The following CNTN5 variants were observed in gnomAD, a reference collection of about 807,000 sequenced individuals.
CNTN5 encodes contactin-5.
In CNTN5, 77 loss-of-function variants were observed where a neutral mutation model predicts 129.1. The ratio of observed to expected loss-of-function variants is 0.60; its 90% CI spans 0.50 to 0.72. The LOEUF (loss-of-function observed/expected upper bound fraction) is 0.72, where lower values mean the gene tolerates loss of function less well. Among genes scored for constraint, CNTN5 ranks in the 30% least tolerant of loss-of-function variants. CNTN5 has a pLI of 0.00. For missense variants in CNTN5, 1,478 were observed against 1,328.8 expected (o/e 1.11, Z -1.75); for synonymous variants, 509 against 465.6 (o/e 1.09, Z -1.20).
chr11:100,052,718 C>T (rs1259758678), intron 9 of CNTN5, among the ~76,000 whole-genome samples: 1 of 151,640 alleles, frequency 6.6e-6, no homozygotes, highest in Non-Finnish European at 1.5e-5. Flanking sequence ...ACTTCTGAAA[C>T]TTACATGAAA....
intron 6 of CNTN5, among the ~76,000 whole-genome samples, chr11:99,852,236 T>C (rs1201456662): frequency 2.6e-5 from 4 of 152,216 alleles, no homozygotes; most frequent in Non-Finnish European, 5.9e-5. Context: ...TTGGTCATAA[T>C]AGATACAGTA....
rs371932596 is a variant in CNTN5 at position 99,988,569 on chromosome 11, C to G, written c.878-13465C>G. 9.3e-4 allele frequency among the ~76,000 whole-genome samples: 142 copies of G among 152,248 alleles called. 1 individual carries two copies. The South Asian group carries it at 0.027, about 28-fold the overall frequency. ...CAAGTGAACCTAAGTAAGGAACTTT[C>G]TATTTTCAGGAGAAACATGACATGA... On this transcript the variant is annotated intron_variant, in intron 8 of 24. Coordinates refer to ENST00000524871, the MANE Select transcript of CNTN5 (RefSeq NM_014361.4).
At chr11:100,341,870 T>G (rs1952169433) in intron 23 of CNTN5, among the ~76,000 whole-genome samples, 3 of 151,852 alleles carry the variant, frequency 2.0e-5, no homozygotes, top group Admixed American at 1.3e-4. Context: ...TGCATTAAAC[T>G]TCACACAGAA....
At chr11:99,101,867 G>A (rs1866749744) in intron 1 of CNTN5, among the ~76,000 whole-genome samples, 2 of 152,198 alleles carry the variant, frequency 1.3e-5, no homozygotes. Flanking sequence ...GCTCCATGAG[G>A]CAGTGCCCCA....
chr11:100,219,927 GA>G (rs1329871121), intron 15 of CNTN5, among the ~76,000 whole-genome samples: 3 of 152,082 alleles, frequency 2.0e-5, no homozygotes, highest in Admixed American at 2.0e-4. Context: ...GAGTAGTAAA[GA>G]AAAAACTATA....
At position 99,543,003 on chromosome 11, in the gene CNTN5, T is replaced by A. The variant is rs1299880714; in HGVS notation, c.-70-13142T>A. Among the ~76,000 whole-genome samples the A allele has an allele frequency of 3.9e-5, 6 of 152,348 alleles. No homozygotes were observed. In the East Asian group the frequency reaches 1.2e-3, roughly 29 times the overall value. ...TCCTCCTTTTCAGTTGAAGGCCTTG[T>A]GTTGTGCCTTGTCTGGTATGCCTTA... On this transcript the variant is annotated intron_variant, in intron 2 of 24. Coordinates refer to ENST00000524871, the MANE Select transcript of CNTN5 (RefSeq NM_014361.4).
At chr11:100,132,747 C>A (rs116598148) in intron 13 of CNTN5, among the ~76,000 whole-genome samples, 2 of 152,006 alleles carry the variant, frequency 1.3e-5, no homozygotes, top group African/African-American at 4.8e-5. Flanking sequence ...CCAAATGGTG[C>A]GCTATGTATT....
At chr11:99,158,619 A>G (rs1192750284) in intron 1 of CNTN5, among the ~76,000 whole-genome samples, 1 of 152,170 alleles carries the variant, frequency 6.6e-6, no homozygotes, top group Admixed American at 6.5e-5. Context: ...CGAGGTACCT[A>G]AGAAAACATT....
intron 9 of CNTN5, among the ~76,000 whole-genome samples, chr11:100,006,489 A>G (rs1056973566): frequency 1.3e-5 from 2 of 152,152 alleles, no homozygotes; most frequent in African/African-American, 2.4e-5. Flanking sequence ...CAATGTCCAC[A>G]GCATCTTTTC....
At chr11:99,615,784 C>T in intron 3 of CNTN5, among the ~76,000 whole-genome samples, 1 of 150,816 alleles carries the variant, frequency 6.6e-6, no homozygotes, top group Admixed American at 6.6e-5. Context: ...TTTTTTGGAG[C>T]AGAGTCTCAT....
At chr11:99,192,741 T>C in intron 1 of CNTN5, among the ~76,000 whole-genome samples, 1 of 152,172 alleles carries the variant, frequency 6.6e-6, no homozygotes, top group Non-Finnish European at 1.5e-5. Context: ...ATATTATATT[T>C]AAAAAGAACA....
chr11:99,120,649 ATC>A (rs1858272647), intron 1 of CNTN5, among the ~76,000 whole-genome samples: 7 of 152,212 alleles, frequency 4.6e-5, no homozygotes. Context: ...ATGTCCCGTT[ATC>A]TCTGATAGAT....
chr11:99,216,732 G>C (rs1399275353), intron 1 of CNTN5, among the ~76,000 whole-genome samples: 3 of 152,034 alleles, frequency 2.0e-5, no homozygotes, highest in African/African-American at 7.2e-5. Context: ...AATATTTCCT[G>C]AATAAGACTT....
chr11:99,282,647 A>T (rs1863752537), intron 1 of CNTN5, among the ~76,000 whole-genome samples: 1 of 152,078 alleles, frequency 6.6e-6, no homozygotes, highest in African/African-American at 2.4e-5. Context: ...CCTCGAATAA[A>T]TCTGGGGCGG....
chr11:99,348,334 G>A (rs1236438647), intron 2 of CNTN5, among the ~76,000 whole-genome samples: 4 of 152,122 alleles, frequency 2.6e-5, no homozygotes, highest in Non-Finnish European at 5.9e-5. Context: ...GCGAGACTCC[G>A]TCCCCCCCAA....
intron 13 of CNTN5, among the ~76,000 whole-genome samples, chr11:100,173,149 C>T (rs1175907637): frequency 6.6e-6 from 1 of 152,130 alleles, no homozygotes; most frequent in Non-Finnish European, 1.5e-5. Context: ...TTGCTAGCTG[C>T]ACCAGCTCTG....
intron 3 of CNTN5, among the ~76,000 whole-genome samples, chr11:99,699,149 T>C (rs1190170333): frequency 6.6e-6 from 1 of 151,374 alleles, no homozygotes; most frequent in African/African-American, 2.4e-5. Flanking sequence ...CTTGTTCATG[T>C]CGTGATGATT....
chr11:99,523,064 T>C (rs149415436), intron 2 of CNTN5, among the ~76,000 whole-genome samples: 22 of 152,322 alleles, frequency 1.4e-4, no homozygotes, highest in South Asian at 6.2e-4. Flanking sequence ...TACCAAGCCA[T>C]AGGCAATTAT....
At chr11:99,537,580 C>T (rs1947948157) in intron 2 of CNTN5, among the ~76,000 whole-genome samples, 1 of 152,086 alleles carries the variant, frequency 6.6e-6, no homozygotes, top group Non-Finnish European at 1.5e-5. Flanking sequence ...ATTGTCTATG[C>T]TTTCTCATTC....
Sources: allele counts gnomAD v4.1 joint callset (sites outside exome capture counted in the v4.1 genomes callset), GRCh38; gene constraint gnomAD v4.1.1; transcripts MANE v1.5; gene names NCBI Gene and HGNC (gene_info 2026-07-23, HGNC 2026-07-21).